The following FBXW11 variants were observed in gnomAD, a reference collection of about 807,000 sequenced individuals.
FBXW11 encodes the protein F-box and WD repeat domain containing 11.
FBXW11 carries 19 observed loss-of-function variants against 77.6 expected under a neutral mutation model. That is an observed-to-expected ratio of 0.24 (90% CI 0.17 to 0.36). The LOEUF (loss-of-function observed/expected upper bound fraction) is 0.36, where lower values mean the gene tolerates loss of function less well. Ranked by LOEUF, FBXW11 falls within the 10% of genes least tolerant of loss-of-function variation. The pLI is 1.00. For missense variants in FBXW11, 334 were observed against 704.2 expected (o/e 0.47, Z 5.95); for synonymous variants, 235 against 249.4 (o/e 0.94, Z 0.54).
At chr5:171,905,128 G>A (rs953790122) in intron 4 of FBXW11, among the ~76,000 whole-genome samples, 2 of 152,122 alleles carry the variant, frequency 1.3e-5, no homozygotes, top group African/African-American at 4.8e-5. Context: ...TACTTTAAAT[G>A]CATTTCCTCC....
chr5:171,995,739 C>T (rs990985216), intron 1 of FBXW11, among the ~76,000 whole-genome samples: 35 of 151,198 alleles, frequency 2.3e-4, no homozygotes, highest in Admixed American at 2.0e-4. Flanking sequence ...GGCGACAGAG[C>T]GAGACTCCGC....
intron 2 of FBXW11, among the ~76,000 whole-genome samples, chr5:171,917,766 C>CTGTGTGTGTGTGTGTGTGTG (rs60601173): frequency 1.6e-4 from 23 of 147,576 alleles, no homozygotes; most frequent in Non-Finnish European, 3.1e-4. Flanking sequence ...TAGACTCACT[C>CTGTGTGTGTGTGTGTGTGTG]TGTGTGTGTG....
chr5:171,870,724 C>T, intron 11 of FBXW11, 24 bp downstream of exon 11: 1 of 1,496,782 alleles, frequency 6.7e-7, no homozygotes, highest in Non-Finnish European at 9.3e-7. Context: ...TATAGCAGTA[C>T]ATCTGAAAAT....
At chr5:171,997,951 T>A (rs932137292) in intron 1 of FBXW11, among the ~76,000 whole-genome samples, 2 of 152,228 alleles carry the variant, frequency 1.3e-5, no homozygotes, top group African/African-American at 4.8e-5. Flanking sequence ...GAAAAGCTAC[T>A]AACTGGCCAA....
chr5:171,945,322 T>G (rs952666606), intron 2 of FBXW11, among the ~76,000 whole-genome samples: 1 of 152,188 alleles, frequency 6.6e-6, no homozygotes, highest in African/African-American at 2.4e-5. Flanking sequence ...GTTTACAACT[T>G]AAAATATAAA....
chr5:171,873,663 A>G (rs1581127294), intron 9 of FBXW11, among the ~76,000 whole-genome samples: 1 of 152,256 alleles, frequency 6.6e-6, no homozygotes, highest in Non-Finnish European at 1.5e-5. Flanking sequence ...AAAAAGTCTC[A>G]CCTTTCATAT....
At chr5:171,933,313 C>G (rs1260666447) in intron 2 of FBXW11, among the ~76,000 whole-genome samples, 1 of 151,884 alleles carries the variant, frequency 6.6e-6, no homozygotes, top group Non-Finnish European at 1.5e-5. Flanking sequence ...CTGGGAAAGG[C>G]AAAACTATGG....
intron 4 of FBXW11, among the ~76,000 whole-genome samples, chr5:171,909,265 C>T (rs1348704379): frequency 4.6e-5 from 7 of 152,118 alleles, no homozygotes; most frequent in Non-Finnish European, 7.3e-5. Flanking sequence ...CTGGCCCACA[C>T]AGCAAGATGC....
intron 7 of FBXW11, among the ~76,000 whole-genome samples, chr5:171,890,444 T>C (rs957559224): frequency 3.3e-5 from 5 of 150,464 alleles, no homozygotes; most frequent in Admixed American, 6.7e-5. Flanking sequence ...GGCAGGAGAA[T>C]TGCTTGAACC....
At position 171,871,253 on chromosome 5, in the gene FBXW11, G is replaced by A. The variant is rs899099796; in HGVS notation, c.1341-395C>T. On this transcript the variant is annotated intron_variant, in intron 10 of 13. Transcript: ENST00000517395. ...ATGGTGTAGGAAAGACTCTTCTGGG[G>A]AGACAGGGATTGTAGGCAGTAAAGG... Among the ~76,000 whole-genome samples, 36 of 152,204 alleles carry A rather than the reference G, an allele frequency of 2.4e-4. 1 individual carries two copies. Among genetic ancestry groups the A allele is most frequent in the Non-Finnish European group, 8.8e-5 (6 of 68,040 alleles).
Position 171,985,353 on chromosome 5 carries a change from T to C in FBXW11, c.45+21105A>G, listed in dbSNP as rs557757800. Among the ~76,000 whole-genome samples the C allele has an allele frequency of 1.2e-4, 18 of 152,168 alleles. No individual in the cohort carries two copies. The East Asian group carries it at 3.5e-3, about 29-fold the overall frequency. ...GGGATCACACGCTCAAAAACTTACA[T>C]GTGGCTCACACCTGTAACCCCAACA... is the stretch of plus-strand genomic sequence containing the variant. On this transcript the variant is annotated intron_variant, in intron 1 of 13. Coordinates refer to ENST00000517395, the MANE Select transcript of FBXW11 (RefSeq NM_001378974.1).
At chr5:171,907,813 A>G (rs1760627052) in intron 4 of FBXW11, among the ~76,000 whole-genome samples, 1 of 152,148 alleles carries the variant, frequency 6.6e-6, no homozygotes, top group Non-Finnish European at 1.5e-5. Context: ...TACATAACAC[A>G]TGTTCATCTG....
intron 2 of FBXW11, among the ~76,000 whole-genome samples, chr5:171,931,504 C>G (rs188829102): frequency 2.0e-4 from 31 of 152,314 alleles, no homozygotes; most frequent in Admixed American, 1.8e-3. Context: ...TCAGCTTACA[C>G]ATTTCACAAA....
chr5:171,983,500 G>A (rs181456399), intron 1 of FBXW11, among the ~76,000 whole-genome samples: 3 of 152,216 alleles, frequency 2.0e-5, no homozygotes, highest in Admixed American at 2.0e-4. Flanking sequence ...GTGGGGTAGG[G>A]GGGCAATCTC....
rs565300587 is a variant in FBXW11 at position 171,884,735 on chromosome 5, G to A, written c.853-6606C>T. Among the ~76,000 whole-genome samples, 23 of 152,222 alleles carry A rather than the reference G, an allele frequency of 1.5e-4. No homozygotes were observed. The East Asian group carries it at 2.1e-3, about 14-fold the overall frequency. On this transcript the variant is annotated intron_variant, in intron 7 of 13. Transcript: ENST00000517395. ...GCATGGGATGTGTTTCCATTTGTTC[G>A]TGTCATCTATGATTTCTTTCAGCAG...
chr5:171,991,481 G>A (rs563816010), intron 1 of FBXW11, among the ~76,000 whole-genome samples: 10 of 152,124 alleles, frequency 6.6e-5, no homozygotes, highest in Non-Finnish European at 1.2e-4. Context: ...TAGGCCTCAC[G>A]TTGTGATGTT....
At chr5:172,003,434 A>G (rs1474473325) in intron 1 of FBXW11, 1 of 152,216 alleles carries the variant, frequency 6.6e-6, no homozygotes. Flanking sequence ...CATATTTCCA[A>G]AATGAATTAC....
intron 4 of FBXW11, among the ~76,000 whole-genome samples, chr5:171,906,199 A>G (rs1432723966): frequency 1.3e-5 from 2 of 152,208 alleles, no homozygotes; most frequent in East Asian, 3.8e-4. Flanking sequence ...GAGCAGCTGC[A>G]AAGAAACTTC....
At chr5:171,865,400 C>T (rs1032420374) in intron 13 of FBXW11, among the ~76,000 whole-genome samples, 2 of 152,022 alleles carry the variant, frequency 1.3e-5, no homozygotes, top group Non-Finnish European at 2.9e-5. Flanking sequence ...AAAGAATGAT[C>T]ATAGCATTGT....
Sources: gnomAD v4.1 joint callset for allele counts (sites outside exome capture counted in the v4.1 genomes callset) on GRCh38, gnomAD v4.1.1 for gene constraint, MANE v1.5 for transcripts, NCBI Gene and HGNC (gene_info 2026-07-23, HGNC 2026-07-21) for gene names.